Variants in ARNT2 observed in about 807,000 individuals in gnomAD.
ARNT2 encodes the protein aryl hydrocarbon receptor nuclear translocator 2, also known as ARNT protein 2.
A neutral mutation model predicts 91.7 loss-of-function variants in ARNT2; 36 were observed. The ratio of observed to expected loss-of-function variants is 0.39; its 90% CI spans 0.30 to 0.52. The LOEUF is 0.52. Ranked by LOEUF, ARNT2 falls within the 20% of genes least tolerant of loss-of-function variation. The pLI, the probability that ARNT2 is intolerant of heterozygous loss-of-function variation, is 0.72. For missense variants in ARNT2, 775 were observed against 939.3 expected, an observed-to-expected ratio of 0.83 and a Z score of 2.29; for synonymous variants, 365 against 347.1, an observed-to-expected ratio of 1.05 and a Z score of -0.57.
At chr15:80,562,815 TAA>T (rs1257263519) in intron 11 of ARNT2, 6 of 468,834 alleles carry the variant, frequency 1.3e-5, no homozygotes, top group Non-Finnish European at 2.3e-5. Context: ...AAAGCTAAAT[TAA>T]AAGTTCTGCT....
chr15:80,469,240 G>GT (rs1350496303), intron 3 of ARNT2, among the ~76,000 whole-genome samples: 7 of 152,170 alleles, frequency 4.6e-5, no homozygotes, highest in Non-Finnish European at 1.5e-5. Flanking sequence ...CCTTCTGCTA[G>GT]TTTTTTATCA....
intron 8 of ARNT2, among the ~76,000 whole-genome samples, chr15:80,533,815 C>T (rs1015303693): frequency 6.6e-6 from 1 of 152,238 alleles, no homozygotes; most frequent in Admixed American, 6.5e-5. Context: ...TGGGCAGAAG[C>T]CTGGGGGCCT....
intron 11 of ARNT2, among the ~76,000 whole-genome samples, chr15:80,557,300 G>A (rs1183604048): frequency 6.6e-6 from 1 of 151,974 alleles, no homozygotes; most frequent in African/African-American, 2.4e-5. Flanking sequence ...CATGATGGAT[G>A]ATGCCCCAGG....
chr15:80,485,404 CACTGT>C (rs1896955342), intron 5 of ARNT2, among the ~76,000 whole-genome samples: 2 of 152,180 alleles, frequency 1.3e-5, no homozygotes, highest in Non-Finnish European at 1.5e-5. Context: ...TGGTGCAAGA[CACTGT>C]ACTAAGTGCT....
In ARNT2 at chr15:80,591,068, C is replaced by T. The variant is rs1893271542; in HGVS notation, c.1919-500C>T. On this transcript the variant is annotated intron_variant, in intron 17 of 18. Transcript: ENST00000303329. This position sits in a 1 kb window ranked among gnomAD's most constrained non-coding sequence, Gnocchi z 5.1. ...TGAGGTTGGGAATGCCAAGATGAGG[C>T]TTTTCCTCTAGCAGGGCCAGATGCC... Among the ~76,000 whole-genome samples, 1 of 152,190 alleles carries T rather than the reference C, an allele frequency of 6.6e-6. No individual in the cohort carries two copies. Among genetic ancestry groups the T allele is most frequent in the Non-Finnish European group, 1.5e-5 (1 of 68,038 alleles).
chr15:80,451,623 AAACC>A (rs949718271), intron 2 of ARNT2, among the ~76,000 whole-genome samples: 7 of 152,184 alleles, frequency 4.6e-5, no homozygotes, highest in South Asian at 2.1e-4. Context: ...CAGACCTGAA[AAACC>A]AACCAACCAA....
At chr15:80,412,902 G>A (rs914425744) in intron 1 of ARNT2, among the ~76,000 whole-genome samples, 2 of 152,324 alleles carry the variant, frequency 1.3e-5, no homozygotes, top group Admixed American at 6.5e-5. Flanking sequence ...TCCCCAGCAG[G>A]TAGGTGGATG....
At chr15:80,536,243 G>C (rs1897821380) in intron 8 of ARNT2, among the ~76,000 whole-genome samples, 1 of 152,218 alleles carries the variant, frequency 6.6e-6, no homozygotes, top group East Asian at 1.9e-4. Context: ...GTGCCCGAGT[G>C]GGACCAGCAG....
chr15:80,452,451 C>G (rs538236041), intron 2 of ARNT2, among the ~76,000 whole-genome samples: 1 of 152,182 alleles, frequency 6.6e-6, no homozygotes, highest in Admixed American at 6.5e-5. Flanking sequence ...CCCAGCCATC[C>G]GATTTCAACC....
intron 3 of ARNT2, 44 bp from the exon 4 acceptor site, chr15:80,470,174 C>A: frequency 1.4e-6 from 2 of 1,469,122 alleles, no homozygotes; most frequent in Non-Finnish European, 1.8e-6. Context: ...TAATCTGATA[C>A]TTCTCTTTTT....
chr15:80,525,589 C>T (rs1189075011), intron 8 of ARNT2, among the ~76,000 whole-genome samples: 1 of 152,004 alleles, frequency 6.6e-6, no homozygotes, highest in Non-Finnish European at 1.5e-5. Flanking sequence ...AATTTTTTGC[C>T]TAGACAAAGA....
At chr15:80,581,854 C>T (rs558711399) in intron 17 of ARNT2, among the ~76,000 whole-genome samples, 1 of 152,334 alleles carries the variant, frequency 6.6e-6, no homozygotes, top group Admixed American at 6.5e-5. Flanking sequence ...AACCTCAGGC[C>T]ATAGAGGGTT....
chr15:80,487,908 G>A (rs959439722), intron 5 of ARNT2: 4 of 152,216 alleles, frequency 2.6e-5, no homozygotes, highest in African/African-American at 4.8e-5. Context: ...ATAACGGAGA[G>A]GACACAGCCT....
intron 10 of ARNT2, chr15:80,554,822 G>C (rs755983917): frequency 2.3e-6 from 1 of 432,872 alleles, no homozygotes; most frequent in Non-Finnish European, 4.2e-6. Context: ...TACTGATGTA[G>C]TGCCTTAGCA....
At position 80,491,796 on chromosome 15, in the gene ARNT2, CTTTT is replaced by C. The variant is rs58958624; in HGVS notation, c.623-16338_623-16335del. 4.6e-4 allele frequency among the ~76,000 whole-genome samples: 31 copies of C among 67,612 alleles called. 1 individual carries two copies. Among genetic ancestry groups the C allele is most frequent in the Non-Finnish European group, 6.4e-4 (23 of 36,196 alleles). 44.4% of individuals were successfully genotyped at this position (67,612 alleles called of 152,430 possible). ...ATCTCATTTACTTCTCAGGACAGGC[CTTTT>C]TTTTTTTTTTTTTTTTTTTTTAAGT... On this transcript the variant is annotated intron_variant, in intron 5 of 18. Coordinates refer to ENST00000303329, the MANE Select transcript of ARNT2 (RefSeq NM_014862.4).
At chr15:80,416,634 G>C (rs1008064371) in intron 1 of ARNT2, among the ~76,000 whole-genome samples, 2 of 151,788 alleles carry the variant, frequency 1.3e-5, no homozygotes, top group Admixed American at 6.6e-5. Flanking sequence ...TTTTTTGTTT[G>C]TTTGTTTGTT....
At chr15:80,500,999 T>G (rs1481225491) in intron 5 of ARNT2, among the ~76,000 whole-genome samples, 1 of 152,240 alleles carries the variant, frequency 6.6e-6, no homozygotes, top group Non-Finnish European at 1.5e-5. Context: ...ATAATTCTTA[T>G]TCTCATTTCA....
At chr15:80,436,197 G>A (rs1301777412) in intron 1 of ARNT2, 1 of 152,686 alleles carries the variant, frequency 6.5e-6, no homozygotes, top group Admixed American at 6.5e-5. Context: ...ATCTTACTGA[G>A]TTTCAGGATG....
intron 11 of ARNT2, chr15:80,556,634 A>G (rs912025091): frequency 1.3e-5 from 2 of 152,510 alleles, no homozygotes; most frequent in East Asian, 1.9e-4. Flanking sequence ...TGTCATGCAC[A>G]TCGTGACTGT....
Sources: allele counts gnomAD v4.1 joint callset (sites outside exome capture counted in the v4.1 genomes callset), GRCh38; gene constraint gnomAD v4.1.1; non-coding constraint Gnocchi (gnomAD v3.1); transcripts MANE v1.5; gene names NCBI Gene and HGNC (gene_info 2026-07-23, HGNC 2026-07-21).